The following FARP1 variants were observed in gnomAD, a reference collection of about 807,000 sequenced individuals.
FARP1 encodes FERM, ARHGEF and pleckstrin domain-containing protein 1.
Under a neutral mutation model 128.8 loss-of-function variants are expected in FARP1, and 52 were observed. The ratio of observed to expected loss-of-function variants is 0.40; its 90% CI spans 0.32 to 0.51. The LOEUF (loss-of-function observed/expected upper bound fraction) is 0.51, where lower values mean the gene tolerates loss of function less well. Among genes scored for constraint, FARP1 ranks in the 20% least tolerant of loss-of-function variants. The pLI, the probability that FARP1 is intolerant of heterozygous loss-of-function variation, is 0.45. For missense variants in FARP1, 1,333 were observed against 1,367.9 expected, an observed-to-expected ratio of 0.97 and a Z score of 0.40; for synonymous variants, 580 against 551.8, an observed-to-expected ratio of 1.05 and a Z score of -0.72.
intron 1 of FARP1, among the ~76,000 whole-genome samples, chr13:98,208,115 T>G (rs1880406435): frequency 6.6e-6 from 1 of 151,754 alleles, no homozygotes; most frequent in Non-Finnish European, 1.5e-5. Context: ...CCAAACAGAT[T>G]AGAAACAGAT....
chr13:98,365,791 G>A (rs1425880620), intron 4 of FARP1, among the ~76,000 whole-genome samples: 1 of 152,068 alleles, frequency 6.6e-6, no homozygotes, highest in Non-Finnish European at 1.5e-5. Context: ...TCATAAAATT[G>A]TTTTTAGGTT....
At chr13:98,258,841 A>G (rs1485244656) in intron 2 of FARP1, among the ~76,000 whole-genome samples, 2 of 152,146 alleles carry the variant, frequency 1.3e-5, no homozygotes, top group Non-Finnish European at 2.9e-5. Flanking sequence ...AGGATCCTTC[A>G]TATGTATTTA....
At chr13:98,385,328 T>C (rs1399054827) in intron 7 of FARP1, among the ~76,000 whole-genome samples, 1 of 152,224 alleles carries the variant, frequency 6.6e-6, no homozygotes, top group Non-Finnish European at 1.5e-5. Context: ...AGGTTTAGGT[T>C]ATTGAAAGCA....
intron 26 of FARP1, 25 bp from the exon 27 acceptor site, chr13:98,448,211 A>G (rs1566330914): frequency 6.2e-7 from 1 of 1,604,356 alleles, no homozygotes; most frequent in African/African-American, 1.3e-5. Context: ...CAAAAGGTTG[A>G]CTAACTGGCG....
chr13:98,290,047 G>A (rs1885375744), intron 2 of FARP1, among the ~76,000 whole-genome samples: 1 of 150,066 alleles, frequency 6.7e-6, no homozygotes, highest in Non-Finnish European at 1.5e-5. Context: ...GTGTGGTGGA[G>A]ATTTATCTTT....
chr13:98,163,012 A>G (rs1876994010), intron 1 of FARP1, among the ~76,000 whole-genome samples: 1 of 152,238 alleles, frequency 6.6e-6, no homozygotes, highest in Non-Finnish European at 1.5e-5. Context: ...CCATAAGGAC[A>G]TAGGCACGTG....
chr13:98,255,450 G>A (rs1167231413), intron 2 of FARP1, among the ~76,000 whole-genome samples: 1 of 152,004 alleles, frequency 6.6e-6, no homozygotes, highest in Non-Finnish European at 1.5e-5. Context: ...GCAGTGAGCC[G>A]AGATTGCGCC....
chr13:98,182,059 ACTCT>A lies in FARP1; in HGVS notation c.-23-31157_-23-31154del, dbSNP rs761052218. ...TTCTTATAAACTATGAGTTTGTGAG[ACTCT>A]CTCCTTTGAAAGCTAAAAAAAAAAT... is the stretch of plus-strand genomic sequence containing the variant. On this transcript the variant is annotated intron_variant, in intron 1 of 26. Coordinates refer to ENST00000319562, the MANE Select transcript of FARP1 (RefSeq NM_005766.4). 2.0e-5 allele frequency among the ~76,000 whole-genome samples: 3 copies of A among 150,312 alleles called. No individual in the cohort carries two copies. In the East Asian group the frequency reaches 6.4e-4, roughly 32 times the overall value.
At chr13:98,245,968 G>A (rs1883028981) in intron 2 of FARP1, among the ~76,000 whole-genome samples, 1 of 151,714 alleles carries the variant, frequency 6.6e-6, no homozygotes. Flanking sequence ...GTAGAGACGA[G>A]GTTTCACCGT....
intron 1 of FARP1, among the ~76,000 whole-genome samples, chr13:98,154,462 C>A (rs1876358763): frequency 6.6e-6 from 1 of 152,092 alleles, no homozygotes; most frequent in Non-Finnish European, 1.5e-5. Flanking sequence ...TTCTTGGACT[C>A]TCTGGCAGAG....
At chr13:98,389,203 C>T (rs1890212124) in intron 9 of FARP1, among the ~76,000 whole-genome samples, 1 of 152,178 alleles carries the variant, frequency 6.6e-6, no homozygotes, top group African/African-American at 2.4e-5. Flanking sequence ...AATGGTTTTC[C>T]ATGGAAAAAT....
At chr13:98,238,635 C>T (rs1452441853) in intron 2 of FARP1, among the ~76,000 whole-genome samples, 1 of 152,146 alleles carries the variant, frequency 6.6e-6, no homozygotes. Context: ...ATAAAACTAT[C>T]TGATCTCCTG....
At chr13:98,412,197 G>A (rs1001957177) in intron 16 of FARP1, among the ~76,000 whole-genome samples, 163 bp downstream of exon 16, 1 of 152,160 alleles carries the variant, frequency 6.6e-6, no homozygotes, top group Non-Finnish European at 1.5e-5. Context: ...TCCTACATGC[G>A]TTCAGATCTC....
At chr13:98,435,034 A>G (rs899470150) in intron 18 of FARP1, 2 of 152,352 alleles carry the variant, frequency 1.3e-5, no homozygotes, top group African/African-American at 4.8e-5. Flanking sequence ...TTCTACAGCA[A>G]TTCTTCACAA....
At chr13:98,333,378 G>A (rs1325020453) in intron 2 of FARP1, 1 of 150,542 alleles carries the variant, frequency 6.6e-6, no homozygotes, top group Non-Finnish European at 1.5e-5. Flanking sequence ...AAATGTTTTT[G>A]TTTCTGTTGC....
At chr13:98,448,110 T>C (rs1892969955) in intron 26 of FARP1, 126 bp from the exon 27 acceptor site, 1 of 767,300 alleles carries the variant, frequency 1.3e-6, no homozygotes, top group Non-Finnish European at 2.3e-6. Flanking sequence ...CTTGCTCTTC[T>C]GCTGAAGTGG....
Position 98,176,214 on chromosome 13 carries a change from A to T in FARP1, c.-24+32722A>T. 6.2e-7 allele frequency: 1 copy of T among 1,609,006 alleles called. No individual in the cohort carries two copies. The highest frequency in any genetic ancestry group is 1.7e-5 in the Admixed American group (1 of 59,916). On this transcript the variant is annotated intron_variant, in intron 1 of 26. Transcript: ENST00000319562. The surrounding 1 kb of genome is among the most constrained non-coding windows in gnomAD (Gnocchi z 6.2). ...AAAAATTTATTTAAATGTGAGAATTATGGGAAACCTAAGCCATGGGAATTG... is the reference window on the plus strand; with the variant it reads ...AAAAATTTATTTAAATGTGAGAATTTTGGGAAACCTAAGCCATGGGAATTG...
chr13:98,327,179 T>G (rs748576206), intron 2 of FARP1, among the ~76,000 whole-genome samples: 68 of 152,252 alleles, frequency 4.5e-4, no homozygotes, highest in Non-Finnish European at 8.7e-4. Context: ...TGGCTCTTAT[T>G]GCTTGCATTG....
At chr13:98,293,023 G>A (rs1450225071) in intron 2 of FARP1, among the ~76,000 whole-genome samples, 2 of 152,096 alleles carry the variant, frequency 1.3e-5, no homozygotes, top group African/African-American at 2.4e-5. Context: ...AGGAAAGAAA[G>A]GGGGAAGCAG....
Sources: gnomAD v4.1 joint callset for allele counts (sites outside exome capture counted in the v4.1 genomes callset) on GRCh38, gnomAD v4.1.1 for gene constraint, Gnocchi (gnomAD v3.1) non-coding constraint, MANE v1.5 for transcripts, NCBI Gene and HGNC (gene_info 2026-07-23, HGNC 2026-07-21) for gene names.